KCNK9: variants seen among roughly 807,000 people sequenced by gnomAD.
The protein encoded by KCNK9 is potassium channel subfamily K member 9.
In KCNK9, 1 loss-of-function variant was observed where a neutral mutation model predicts 10.8. The observed-to-expected ratio is 0.09, with a 90% CI of 0.03 to 0.44. The LOEUF is 0.44. Ranked by LOEUF, KCNK9 falls within the 20% of genes least tolerant of loss-of-function variation. The pLI is 0.97. For synonymous variants in KCNK9, 231 were observed against 222.7 expected (o/e 1.04, Z -0.33); for missense variants, 303 against 515.0 (o/e 0.59, Z 3.98).
intron 1 of KCNK9, among the ~76,000 whole-genome samples, chr8:139,637,760 T>TACACACACACACACACACAC (rs34018499): frequency 0.053 from 7,789 of 146,058 alleles, 261 homozygotes; most frequent in Non-Finnish European, 0.069. Flanking sequence ...ATTCCTACTC[T>TACACACACACACACACACAC]ACACACACAC....
At chr8:139,610,573 C>G (rs1428037326), downstream of KCNK9, among the ~76,000 whole-genome samples, 1 of 152,204 alleles carries the variant, frequency 6.6e-6, no homozygotes, top group African/African-American at 2.4e-5. Flanking sequence ...AAGCTAATGT[C>G]CTCTGCCTGT....
At chr8:139,656,219 A>C (rs1387386286) in intron 1 of KCNK9, among the ~76,000 whole-genome samples, 2 of 152,130 alleles carry the variant, frequency 1.3e-5, no homozygotes, top group Non-Finnish European at 2.9e-5. Context: ...CCCTCCCTGC[A>C]AGCAGCTTGG....
At chr8:139,622,887 G>GGAACCTAATGTGTAGAATAAC (rs1814836464) in intron 1 of KCNK9, among the ~76,000 whole-genome samples, 1 of 152,154 alleles carries the variant, frequency 6.6e-6, no homozygotes, top group African/African-American at 2.4e-5. Context: ...GTGTACACTT[G>GGAACCTAATGTGTAGAATAAC]GAACCTAATG....
At chr8:139,607,125 G>C (rs1321700364) in intron 2 of KCNK9, among the ~76,000 whole-genome samples, 1 of 152,190 alleles carries the variant, frequency 6.6e-6, no homozygotes, top group Admixed American at 6.5e-5. Flanking sequence ...GCTTCACTGG[G>C]TTCCCACTAA....
intron 1 of KCNK9, among the ~76,000 whole-genome samples, chr8:139,624,150 C>T (rs746551621): frequency 9.9e-5 from 15 of 152,208 alleles, no homozygotes; most frequent in South Asian, 4.1e-4. Flanking sequence ...AGCCAGCCCA[C>T]GCTGCTCATC....
At chr8:139,605,962 G>A in intron 2 of KCNK9, among the ~76,000 whole-genome samples, 1 of 152,158 alleles carries the variant, frequency 6.6e-6, no homozygotes, top group East Asian at 1.9e-4. Flanking sequence ...TTGTGAAGGT[G>A]CCATCTCCAC....
chr8:139,699,400 TCCA>T (rs1817143129), intron 1 of KCNK9, among the ~76,000 whole-genome samples: 1 of 152,118 alleles, frequency 6.6e-6, no homozygotes, highest in South Asian at 2.1e-4. Flanking sequence ...TTTCACCACT[TCCA>T]CCAACAGGTG....
intron 1 of KCNK9, among the ~76,000 whole-genome samples, chr8:139,686,511 A>G (rs1181101577): frequency 6.6e-6 from 1 of 152,248 alleles, no homozygotes; most frequent in Non-Finnish European, 1.5e-5. Flanking sequence ...ACATATGAAA[A>G]AATGCACATT....
chr8:139,666,880 C>T (rs1816315529), intron 1 of KCNK9, among the ~76,000 whole-genome samples: 1 of 152,264 alleles, frequency 6.6e-6, no homozygotes, highest in Non-Finnish European at 1.5e-5. Context: ...AAGCTGGGCA[C>T]TGAGGCCCTT....
chr8:139,632,255 C>T (rs1712034461), intron 1 of KCNK9, among the ~76,000 whole-genome samples: 1 of 152,150 alleles, frequency 6.6e-6, no homozygotes, highest in Admixed American at 6.5e-5. Context: ...AAAAGGGCCT[C>T]AAAAAAGCAG....
chr8:139,627,509 GAACTCAGCCACAGAAGAT>G, intron 1 of KCNK9, among the ~76,000 whole-genome samples: 2 of 152,318 alleles, frequency 1.3e-5, no homozygotes, highest in South Asian at 4.1e-4. Context: ...TCAGGAGGAT[GAACTCAGCCACAGAAGAT>G]AACATCCCGA....
At chr8:139,602,003 C>T (rs1817381427) in intron 2 of KCNK9, 1 of 152,216 alleles carries the variant, frequency 6.6e-6, no homozygotes, top group Non-Finnish European at 1.5e-5. Flanking sequence ...CTGGGGAGTC[C>T]CCACCTTACC....
At chr8:139,667,685 T>C (rs550883829) in intron 1 of KCNK9, among the ~76,000 whole-genome samples, 1 of 151,082 alleles carries the variant, frequency 6.6e-6, no homozygotes, top group Non-Finnish European at 1.5e-5. Context: ...AACAGGGTGA[T>C]ACTCCATCTC....
At chr8:139,663,125 G>A (rs1171596759) in intron 1 of KCNK9, among the ~76,000 whole-genome samples, 2 of 152,106 alleles carry the variant, frequency 1.3e-5, no homozygotes, top group Non-Finnish European at 2.9e-5. Flanking sequence ...GGTCTGAAGA[G>A]GAAGAGACCC....
chr8:139,700,512 G>A (rs57644412), intron 1 of KCNK9, among the ~76,000 whole-genome samples: 5,933 of 127,398 alleles, frequency 0.047, 202 homozygotes, highest in Admixed American at 0.12. Flanking sequence ...ACACACACGC[G>A]CGCGCGCGCA....
intron 1 of KCNK9, among the ~76,000 whole-genome samples, chr8:139,629,468 T>C (rs191976225): frequency 1.3e-5 from 2 of 152,344 alleles, no homozygotes; most frequent in African/African-American, 4.8e-5. Context: ...CATCAGTGGA[T>C]AGACGCCTAA....
At chr8:139,665,932 A>G (rs1386581897) in intron 1 of KCNK9, among the ~76,000 whole-genome samples, 2 of 152,190 alleles carry the variant, frequency 1.3e-5, no homozygotes, top group African/African-American at 4.8e-5. Context: ...CAGCCCTAGA[A>G]CCACCTCAAG....
intron 1 of KCNK9, among the ~76,000 whole-genome samples, chr8:139,686,316 T>C (rs528055758): frequency 6.6e-6 from 1 of 152,150 alleles, no homozygotes; most frequent in African/African-American, 2.4e-5. Context: ...TATCATCAGA[T>C]CGAACAGGCA....
chr8:139,604,996 C>T (rs551413172), intron 2 of KCNK9, among the ~76,000 whole-genome samples: 19 of 152,344 alleles, frequency 1.2e-4, no homozygotes, highest in African/African-American at 4.1e-4. Flanking sequence ...ATCCTGGATC[C>T]AGACTAAGGG....
Sources: gnomAD v4.1 joint callset for allele counts (sites outside exome capture counted in the v4.1 genomes callset) on GRCh38, gnomAD v4.1.1 for gene constraint, MANE v1.5 for transcripts, NCBI Gene and HGNC (gene_info 2026-07-23, HGNC 2026-07-21) for gene names.